Variants in SUCLG2 observed in about 807,000 individuals in gnomAD.
SUCLG2 encodes the protein succinate-CoA ligase GDP-forming subunit beta.
In SUCLG2, 42 loss-of-function variants were observed where a neutral mutation model predicts 47.9. The observed-to-expected ratio is 0.88, with a 90% CI of 0.69 to 1.14. The LOEUF is 1.14. Ranked by LOEUF, SUCLG2 falls within the 50% of genes most tolerant of loss-of-function variation. SUCLG2 has a pLI of 0.00. For synonymous variants in SUCLG2, 195 were observed against 197.3 expected (o/e 0.99, Z 0.10); for missense variants, 571 against 525.9 (o/e 1.09, Z -0.84).
At chr3:67,405,880 C>T (rs190697037) in intron 9 of SUCLG2, among the ~76,000 whole-genome samples, 16 of 152,268 alleles carry the variant, frequency 1.1e-4, no homozygotes, top group Admixed American at 2.6e-4. Flanking sequence ...TATGTACTAA[C>T]GCATTTAACA....
rs1039724993 is a variant in SUCLG2 at position 67,495,743 on chromosome 3, T to C, written c.1062+55A>G. ...CTCACCAGGAAGAACAAGTGAGCTC[T>C]TGACGGTGAGAAATTAAAACTGGCA... On this transcript the variant is annotated intron_variant, in intron 9 of 10. Transcript: ENST00000307227. 5 of 1,606,718 alleles carry C rather than the reference T, an allele frequency of 3.1e-6. No individual in the cohort carries two copies. In the East Asian group the frequency reaches 8.9e-5, roughly 29 times the overall value.
intron 10 of SUCLG2, among the ~76,000 whole-genome samples, chr3:67,384,962 C>G (rs1702230577): frequency 6.6e-6 from 1 of 152,192 alleles, no homozygotes; most frequent in South Asian, 2.1e-4. Context: ...TCAGGACAGC[C>G]TCAAGGTGGC....
At chr3:67,405,945 G>C (rs1032306807) in intron 9 of SUCLG2, among the ~76,000 whole-genome samples, 1 of 152,072 alleles carries the variant, frequency 6.6e-6, no homozygotes, top group Non-Finnish European at 1.5e-5. Context: ...TGAAGATCTG[G>C]GAGAATCAGG....
At chr3:67,466,858 C>T (rs1046886506) in intron 9 of SUCLG2, among the ~76,000 whole-genome samples, 2 of 152,116 alleles carry the variant, frequency 1.3e-5, no homozygotes, top group African/African-American at 4.8e-5. Flanking sequence ...AGCTGAACAA[C>T]CAAGATACAA....
chr3:67,408,710 G>A (rs973074644), intron 9 of SUCLG2: 7 of 1,231,854 alleles, frequency 5.7e-6, no homozygotes, highest in African/African-American at 1.6e-5. Flanking sequence ...GGTAGAATAA[G>A]CAAAACTGTA....
At chr3:67,588,310 C>T (rs146010485) in intron 2 of SUCLG2, among the ~76,000 whole-genome samples, 1 of 152,148 alleles carries the variant, frequency 6.6e-6, no homozygotes, top group Non-Finnish European at 1.5e-5. Flanking sequence ...TTGCTAAATG[C>T]TCCTAAATTG....
rs140692868 is a variant in SUCLG2 at position 67,487,632 on chromosome 3, A to G, written c.1062+8166T>C. Among the ~76,000 whole-genome samples the G allele has an allele frequency of 4.5e-3, 689 of 152,282 alleles. 6 individuals carry two copies. The highest frequency in any genetic ancestry group is 0.016 in the African/African-American group (645 of 41,568). ...TAAAGAGGCATTACAAATGCTGAAT[A>G]GAAGAAAAAGAATTTAAAAATGCTA... is the stretch of plus-strand genomic sequence containing the variant. On this transcript the variant is annotated intron_variant, in intron 9 of 10. Transcript: ENST00000307227.
chr3:67,374,358 G>T (rs532669201), downstream of SUCLG2, among the ~76,000 whole-genome samples: 1 of 152,264 alleles, frequency 6.6e-6, no homozygotes, highest in East Asian at 1.9e-4. Context: ...AAAATAGTTT[G>T]GTCTACTACA....
At chr3:67,437,665 C>G (rs1277774960) in intron 9 of SUCLG2, among the ~76,000 whole-genome samples, 1 of 151,614 alleles carries the variant, frequency 6.6e-6, no homozygotes, top group South Asian at 2.1e-4. Context: ...AAAGAAGAGG[C>G]TTTTATGATA....
At chr3:67,578,462 T>A (rs1313860777) in intron 2 of SUCLG2, among the ~76,000 whole-genome samples, 1 of 152,048 alleles carries the variant, frequency 6.6e-6, no homozygotes, top group Non-Finnish European at 1.5e-5. Flanking sequence ...TTAGATTGAC[T>A]TACCTAGAAA....
At chr3:67,379,393 G>A (rs1702104980) in intron 10 of SUCLG2, among the ~76,000 whole-genome samples, 1 of 152,142 alleles carries the variant, frequency 6.6e-6, no homozygotes. Context: ...CTCCATTTCA[G>A]ATCCTGCTCT....
At chr3:67,389,499 C>A (rs969367706) in intron 10 of SUCLG2, among the ~76,000 whole-genome samples, 1 of 152,170 alleles carries the variant, frequency 6.6e-6, no homozygotes, top group Non-Finnish European at 1.5e-5. Flanking sequence ...CCAAAAATAT[C>A]TTGTCACAAA....
chr3:67,422,472 T>TAAAAAAAAAAAAAAAAAAAAA (rs1559520249), intron 9 of SUCLG2, among the ~76,000 whole-genome samples: 2 of 12,324 alleles, frequency 1.6e-4, no homozygotes, highest in African/African-American at 7.4e-4. Flanking sequence ...AGACTCCATC[T>TAAAAAAAAAAAAAAAAAAAAA]CAAAAAAAAA....
At chr3:67,587,266 G>A (rs1708047913) in intron 2 of SUCLG2, among the ~76,000 whole-genome samples, 1 of 152,138 alleles carries the variant, frequency 6.6e-6, no homozygotes, top group Non-Finnish European at 1.5e-5. Context: ...AAATATTTAA[G>A]CTTCCCAAAT....
chr3:67,414,876 A>G (rs111702611), intron 9 of SUCLG2, among the ~76,000 whole-genome samples: 240 of 152,182 alleles, frequency 1.6e-3, no homozygotes, highest in Middle Eastern at 3.4e-3. Flanking sequence ...TCTTTATGAG[A>G]TGCAATCTTG....
intron 2 of SUCLG2, among the ~76,000 whole-genome samples, chr3:67,573,601 G>A (rs2107241491): frequency 6.6e-6 from 1 of 152,174 alleles, no homozygotes; most frequent in South Asian, 2.1e-4. Flanking sequence ...CATGGGAGGG[G>A]GTCCCTGGAG....
At chr3:67,390,769 ACAGT>A (rs1465591179) in intron 10 of SUCLG2, among the ~76,000 whole-genome samples, 2 of 152,154 alleles carry the variant, frequency 1.3e-5, no homozygotes, top group African/African-American at 2.4e-5. Flanking sequence ...ACAGCTCTAT[ACAGT>A]CAGTGTACAA....
At chr3:67,608,202 C>T (rs1413775616) in intron 2 of SUCLG2, among the ~76,000 whole-genome samples, 1 of 152,134 alleles carries the variant, frequency 6.6e-6, no homozygotes, top group Non-Finnish European at 1.5e-5. Flanking sequence ...AGGGTGCTCT[C>T]CCCATGTTCT....
At position 67,482,182 on chromosome 3, in the gene SUCLG2, A is replaced by AGAAGGAAGGAAGGAAG. The variant is rs146705714; in HGVS notation, c.1062+13600_1062+13615dup. Among the ~76,000 whole-genome samples, 574 of 151,760 alleles carry AGAAGGAAGGAAGGAAG rather than the reference A, an allele frequency of 3.8e-3. 7 individuals carry two copies. The East Asian group carries it at 0.053, about 14-fold the overall frequency. On this transcript the variant is annotated intron_variant, in intron 9 of 10. Coordinates refer to ENST00000307227, the MANE Select transcript of SUCLG2 (RefSeq NM_003848.4). The stretch of plus-strand genomic sequence containing the variant: ...GTGACAGAGTGAGACTATCTCAATA[A>AGAAGGAAGGAAGGAAG]GAAGGAAGGAAGGAAGGAAGGAAGG...
Sources: gnomAD v4.1 joint callset for allele counts (sites outside exome capture counted in the v4.1 genomes callset) on GRCh38, gnomAD v4.1.1 for gene constraint, MANE v1.5 for transcripts, NCBI Gene and HGNC (gene_info 2026-07-23, HGNC 2026-07-21) for gene names.